Variants in DENR observed in about 807,000 individuals in gnomAD.
DENR encodes density regulated re-initiation and release factor, also known as density-regulated protein.
A neutral mutation model predicts 30.6 loss-of-function variants in DENR; 6 were observed. The observed-to-expected ratio is 0.20, with a 90% CI of 0.11 to 0.39. DENR has a LOEUF of 0.39. Among genes scored for constraint, DENR ranks in the 10% least tolerant of loss-of-function variants. The probability of loss-of-function intolerance (pLI) is 1.00; values close to 1 mark genes in which losing one functional copy is unlikely to be tolerated. For missense variants in DENR, 141 were observed against 230.9 expected (o/e 0.61, Z 2.52); for synonymous variants, 78 against 72.1 (o/e 1.08, Z -0.41).
chr12:122,762,957 A>T, intron 4 of DENR, 28 bp downstream of exon 4: 2 of 1,317,858 alleles, frequency 1.5e-6, no homozygotes, highest in Non-Finnish European at 2.1e-6. Flanking sequence ...CTTGCATTAA[A>T]CTTCTGTACC....
rs1878989416 is a variant in DENR, at chr12:122,769,916, A to G, written c.*838A>G. 6.6e-6 allele frequency: 1 copy of G among 152,482 alleles called. No individual in the cohort carries two copies. The highest frequency in any genetic ancestry group is 2.4e-5 in the African/African-American group (1 of 41,414). The allele number at this position is 152,482 out of a possible 1,614,324, so 9.4% of individuals were successfully genotyped here. ...TGATCTAAAGCTGAGTGATTTTTTA[A>G]AAGAATTTGAATTTGGCTTCCTCAC... is the stretch of plus-strand genomic sequence containing the variant. On this transcript the variant is annotated 3_prime_UTR_variant, in exon 8 of 8. Transcript: ENST00000280557.
chr12:122,768,681 C>A, intron 6 of DENR, 101 bp from the exon 7 acceptor site: 1 of 1,056,694 alleles, frequency 9.5e-7, no homozygotes, highest in South Asian at 1.8e-5. Flanking sequence ...CATTAACAAT[C>A]TGTTTTATGA....
Position 122,767,548 on chromosome 12 carries a change from A to G in DENR, c.356A>G (p.Lys119Arg), listed in dbSNP as rs1878880899. 1 of 1,603,048 alleles carries G rather than the reference A, an allele frequency of 6.2e-7. No homozygotes were observed. The highest frequency in any genetic ancestry group is 8.5e-7 in the Non-Finnish European group (1 of 1,174,886). ...GTACCACAAAAGGTTACTATAGCCA[A>G]AATTCCCAGAGCAAAGAAGAAATAT... is the stretch of plus-strand genomic sequence containing the variant. ...KTVPQKVTIAKIPRAKKKYVT... is the reference protein window; with the variant it reads ...KTVPQKVTIARIPRAKKKYVT... Residue 119 changes from lysine (K) to arginine (R), a missense_variant, in exon 6 of 8, where the codon AAA (lysine) becomes AGA (arginine). Around this residue, in one of 2 missense-constraint regions of DENR, gnomAD observed 104 missense variants for 138.3 expected, o/e 0.75. Transcript: ENST00000280557.
At chr12:122,754,592 CCT>C (rs1264178635) in intron 2 of DENR, among the ~76,000 whole-genome samples, 2 of 152,080 alleles carry the variant, frequency 1.3e-5, no homozygotes, top group African/African-American at 4.8e-5. Flanking sequence ...GTCAGAAGAT[CCT>C]TGTTCACGTG....
rs953422697 is a variant in DENR, at chr12:122,761,116, C to A, written c.107-1071C>A. On this transcript the variant is annotated intron_variant, in intron 2 of 7. Transcript: ENST00000280557. ...TGACAGAGTGAGAGTGAGACCCTTA[C>A]TCTAAAAAAAATAGGCCAGGTGCGG... Among the ~76,000 whole-genome samples the A allele has an allele frequency of 2.6e-5, 4 of 151,480 alleles. No individual in the cohort carries two copies. In the South Asian group the frequency reaches 8.3e-4, roughly 32 times the overall value.
chr12:122,769,187 C>T lies in DENR; in HGVS notation c.*109C>T, dbSNP rs12297547. 8.9e-6 allele frequency: 9 copies of T among 1,015,978 alleles called. No homozygotes were observed. In the Admixed American group the frequency reaches 1.5e-4, roughly 17 times the overall value. The allele number at this position is 1,015,978 out of a possible 1,614,324, so 62.9% of individuals were successfully genotyped here. A position where few individuals can be genotyped will look rare whatever the true frequency, so the allele number is the denominator to read the frequency against. The stretch of plus-strand genomic sequence containing the variant: ...ATATACACATATATATGTATATATA[C>T]ACATATATGTATGTATACACATATA... On this transcript the variant is annotated 3_prime_UTR_variant, in exon 8 of 8. Coordinates refer to ENST00000280557, the MANE Select transcript of DENR (RefSeq NM_003677.5).
At position 122,769,321 on chromosome 12, in the gene DENR, T is replaced by TATACACACATATATGTATAC; in HGVS notation, c.*246_*247insCACACATATATGTATACATA. On this transcript the variant is annotated 3_prime_UTR_variant, in exon 8 of 8. Transcript: ENST00000280557. ...ATACATATATACACATATGTATACA[T>TATACACACATATATGTATAC]ATATATATATTCTACAGTAAAACTG... The TATACACACATATATGTATAC allele has an allele frequency of 1.1e-6, 1 of 872,466 alleles. No homozygotes were observed. Among genetic ancestry groups the TATACACACATATATGTATAC allele is most frequent in the African/African-American group, 1.9e-5 (1 of 53,158 alleles). The allele number at this position is 872,466 out of a possible 1,614,324, so 54.0% of individuals were successfully genotyped here.
chr12:122,767,245 T>C (rs1878874569), intron 5 of DENR, among the ~76,000 whole-genome samples: 1 of 152,250 alleles, frequency 6.6e-6, no homozygotes, highest in African/African-American at 2.4e-5. Context: ...CTCCCTTCAC[T>C]AGACTGAGTC....
intron 4 of DENR, among the ~76,000 whole-genome samples, chr12:122,763,692 ACT>A (rs1878768579): frequency 1.3e-5 from 2 of 152,136 alleles, no homozygotes; most frequent in Admixed American, 1.3e-4. Flanking sequence ...CAAGAGCAAA[ACT>A]CTGTCTCAAA....
intron 2 of DENR, among the ~76,000 whole-genome samples, chr12:122,761,726 C>A (rs759197058): frequency 6.6e-6 from 1 of 151,986 alleles, no homozygotes; most frequent in Non-Finnish European, 1.5e-5. Context: ...GTGGGAGGAT[C>A]ATTTGAGCCC....
At position 122,767,707 on chromosome 12, in the gene DENR, A is replaced by G. The variant is rs1593764694; in HGVS notation, c.412+103A>G. On this transcript the variant is annotated intron_variant, in intron 6 of 7. Transcript: ENST00000280557. ...CTCTCTCACATACCATGAAAACTTC[A>G]CAGGTCTGTTTTTTGCTAAGAAGAT... 4 of 561,602 alleles carry G rather than the reference A, an allele frequency of 7.1e-6. No individual in the cohort carries two copies. In the East Asian group the frequency reaches 1.4e-4, roughly 20 times the overall value. The allele number at this position is 561,602 out of a possible 1,614,324, so 34.8% of individuals were successfully genotyped here.
intron 2 of DENR, among the ~76,000 whole-genome samples, chr12:122,755,884 G>C (rs1312465806): frequency 6.6e-6 from 1 of 152,196 alleles, no homozygotes. Flanking sequence ...ACTAGTAGTG[G>C]AGATGGGATT....
intron 6 of DENR, 62 bp downstream of exon 6, chr12:122,767,666 A>G (rs542740809): frequency 2.1e-6 from 2 of 954,426 alleles, no homozygotes. Flanking sequence ...GTCTCCCTCT[A>G]TCTCTCTGTC....
intron 2 of DENR, among the ~76,000 whole-genome samples, chr12:122,757,615 C>T (rs1878584337): frequency 6.6e-6 from 1 of 152,160 alleles, no homozygotes; most frequent in Non-Finnish European, 1.5e-5. Flanking sequence ...GCCATTATAA[C>T]ATCAGCTTCA....
Position 122,770,982 on chromosome 12 carries a change from G to A in DENR, c.*1904G>A. 2.7e-6 allele frequency: 1 copy of A among 367,918 alleles called. No homozygotes were observed. The allele number at this position is 367,918 out of a possible 1,614,324, so 22.8% of individuals were successfully genotyped here. ...AGTTTCTTTGTGTTCACAGTTCTTA[G>A]CAAATGCAGTTACAATCCATAGATA... is the stretch of plus-strand genomic sequence containing the variant. On this transcript the variant is annotated 3_prime_UTR_variant, in exon 8 of 8. Coordinates refer to ENST00000280557, the MANE Select transcript of DENR (RefSeq NM_003677.5).
At chr12:122,763,063 TTCTC>T in intron 4 of DENR, 134 bp downstream of exon 4, 2 of 612,400 alleles carry the variant, frequency 3.3e-6, no homozygotes, top group Non-Finnish European at 5.7e-6. Flanking sequence ...GCTGTTTAAG[TTCTC>T]TCTGAGATAG....
intron 3 of DENR, among the ~76,000 whole-genome samples, chr12:122,762,413 T>TAAAGA (rs1272967064): frequency 6.6e-5 from 10 of 152,230 alleles, no homozygotes; most frequent in Non-Finnish European, 2.9e-5. Flanking sequence ...TGTGCATCTT[T>TAAAGA]TGCACATGGC....
At chr12:122,762,480 T>G (rs1878729024) in intron 3 of DENR, among the ~76,000 whole-genome samples, 1 of 152,126 alleles carries the variant, frequency 6.6e-6, no homozygotes, top group African/African-American at 2.4e-5. Context: ...AAAATAAGAG[T>G]AACCTTAATG....
chr12:122,757,557 G>C (rs1878582410), intron 2 of DENR, among the ~76,000 whole-genome samples: 1 of 152,174 alleles, frequency 6.6e-6, no homozygotes, highest in African/African-American at 2.4e-5. Flanking sequence ...TTGATGATAA[G>C]CTTCTCAATT....
Sources: allele counts gnomAD v4.1 joint callset (sites outside exome capture counted in the v4.1 genomes callset), GRCh38; gene constraint gnomAD v4.1.1; regional missense constraint gnomAD v4.1.1; transcripts MANE v1.5; gene names NCBI Gene and HGNC (gene_info 2026-07-23, HGNC 2026-07-21).